Variants in SPAST observed in about 807,000 individuals in gnomAD.
SPAST encodes spastic paraplegia 4 (autosomal dominant; spastin).
In SPAST, 30 loss-of-function variants were observed where a neutral mutation model predicts 76.6. That is an observed-to-expected ratio of 0.39 (90% CI 0.29 to 0.53). The LOEUF is 0.53. Ranked by LOEUF, SPAST falls within the 20% of genes least tolerant of loss-of-function variation. The pLI is 0.68. For synonymous variants in SPAST, 305 were observed against 281.0 expected (o/e 1.09, Z -0.86); for missense variants, 717 against 770.5 (o/e 0.93, Z 0.82).
At chr2:32,132,271 G>A (rs61102469) in intron 9 of SPAST, among the ~76,000 whole-genome samples, 59 of 152,224 alleles carry the variant, frequency 3.9e-4, no homozygotes, top group African/African-American at 1.3e-3. Context: ...TGTGCCTGTG[G>A]TCCCAGCCAC....
At position 32,069,007 on chromosome 2, in the gene SPAST, C is replaced by G. The variant is rs370392645; in HGVS notation, c.415+4761C>G. Among the ~76,000 whole-genome samples the G allele has an allele frequency of 3.3e-5, 5 of 151,848 alleles. No homozygotes were observed. In the South Asian group the frequency reaches 1.0e-3, roughly 32 times the overall value. On this transcript the variant is annotated intron_variant, in intron 1 of 16. Coordinates refer to ENST00000315285, the MANE Select transcript of SPAST (RefSeq NM_014946.4). Reference sequence around the variant, plus strand: ...GGCGGATCACTTGTAGTCAGAAGTTCGCGACCAGCCTGGCCAACATATTAG... The same window carrying G: ...GGCGGATCACTTGTAGTCAGAAGTTGGCGACCAGCCTGGCCAACATATTAG...
chr2:32,068,750 C>T (rs548926448), intron 1 of SPAST, among the ~76,000 whole-genome samples: 10 of 152,004 alleles, frequency 6.6e-5, no homozygotes, highest in South Asian at 2.1e-4. Context: ...AAACTTTAGC[C>T]GGATGTGGTG....
chr2:32,081,416 A>G (rs979048316), intron 1 of SPAST, among the ~76,000 whole-genome samples: 6 of 152,142 alleles, frequency 3.9e-5, no homozygotes, highest in African/African-American at 1.2e-4. Context: ...TTAACTGTTC[A>G]TTCATTCAGG....
At chr2:32,098,983 G>T in intron 4 of SPAST, 92 bp downstream of exon 4, 1 of 869,900 alleles carries the variant, frequency 1.1e-6, no homozygotes. Context: ...ATTTTATAAT[G>T]GTAGGTTTAA....
intron 7 of SPAST, among the ~76,000 whole-genome samples, chr2:32,119,308 A>C (rs1558326584): frequency 6.6e-6 from 1 of 152,192 alleles, no homozygotes. Flanking sequence ...ACACGCCTCT[A>C]TTGTGTAAAA....
chr2:32,121,561 GAC>G (rs1281171918), intron 7 of SPAST, among the ~76,000 whole-genome samples: 1 of 77,766 alleles, frequency 1.3e-5, no homozygotes, highest in Non-Finnish European at 2.4e-5. Flanking sequence ...TTTTTTTTAA[GAC>G]ACAGTCTTGC....
At chr2:32,125,369 A>G (rs1679155279) in intron 7 of SPAST, among the ~76,000 whole-genome samples, 1 of 152,048 alleles carries the variant, frequency 6.6e-6, no homozygotes, top group Admixed American at 6.6e-5. Flanking sequence ...GATTACAGGC[A>G]TGTGCCACCA....
chr2:32,150,138 T>C (rs1180194613), intron 16 of SPAST, among the ~76,000 whole-genome samples: 2 of 150,580 alleles, frequency 1.3e-5, no homozygotes, highest in African/African-American at 4.9e-5. Flanking sequence ...AGTGGTGTGA[T>C]CTCAGCTCAC....
In SPAST at chr2:32,098,779, C is replaced by T. The variant is rs761164962; in HGVS notation, c.587-17C>T. Reference sequence around the variant, plus strand: ...TTTTGTTTATTTTTTCTGTTTTTTACCTTCTCTGTTGCATAGAGAAGATGC... The same window carrying T: ...TTTTGTTTATTTTTTCTGTTTTTTATCTTCTCTGTTGCATAGAGAAGATGC... On this transcript the variant is annotated splice_polypyrimidine_tract_variant and intron_variant, in intron 3 of 16. Transcript: ENST00000315285. 33 of 1,528,420 alleles carry T rather than the reference C, an allele frequency of 2.2e-5. No homozygotes were observed. The highest frequency in any genetic ancestry group is 2.7e-5 in the African/African-American group (2 of 73,048). 94.7% of individuals were successfully genotyped at this position (1,528,420 alleles called of 1,614,324 possible). A position where few individuals can be genotyped will look rare whatever the true frequency, so the allele number is the denominator to read the frequency against.
At chr2:32,111,763 T>C (rs922852749) in intron 4 of SPAST, among the ~76,000 whole-genome samples, 2 of 151,436 alleles carry the variant, frequency 1.3e-5, no homozygotes, top group Non-Finnish European at 2.9e-5. Flanking sequence ...GTGTCTGAAA[T>C]ACCCTCATTT....
intron 1 of SPAST, among the ~76,000 whole-genome samples, chr2:32,086,778 CTAAG>C (rs1007095023): frequency 2.0e-5 from 3 of 151,734 alleles, no homozygotes; most frequent in Non-Finnish European, 2.9e-5. Context: ...GAAAAAAAGT[CTAAG>C]AAGTTAATTT....
intron 15 of SPAST, among the ~76,000 whole-genome samples, chr2:32,145,213 T>C (rs531277800): frequency 3.9e-5 from 6 of 152,260 alleles, no homozygotes; most frequent in African/African-American, 1.4e-4. Flanking sequence ...CCACCCAGCC[T>C]TCCCAGTAGC....
intron 8 of SPAST, 39 bp from the exon 9 acceptor site, chr2:32,128,369 A>G: frequency 7.5e-7 from 1 of 1,331,910 alleles, no homozygotes; most frequent in Non-Finnish European, 1.1e-6. Context: ...AATGTAATAT[A>G]TTGAACTAAT....
chr2:32,081,790 A>AAAAAAAAAAG (rs1677238199), intron 1 of SPAST, among the ~76,000 whole-genome samples: 1 of 148,058 alleles, frequency 6.8e-6, no homozygotes. Context: ...TCAAAAAAAA[A>AAAAAAAAAAG]AAAAAAAAAA....
In SPAST at chr2:32,141,888, G is replaced by T. The variant is rs779643000; in HGVS notation, c.1494-16G>T. 2 of 1,594,330 alleles carry T rather than the reference G, an allele frequency of 1.3e-6. No homozygotes were observed. The highest frequency in any genetic ancestry group is 4.5e-5 in the East Asian group (2 of 44,602). On this transcript the variant is annotated splice_polypyrimidine_tract_variant and intron_variant, in intron 12 of 16. Coordinates refer to ENST00000315285, the MANE Select transcript of SPAST (RefSeq NM_014946.4). ...TCAAAATTATATTTCTAAAAGTGCT[G>T]GATTTTTTTTTTTAGGCGTTTCATC... is the stretch of plus-strand genomic sequence containing the variant.
chr2:32,104,990 T>C (rs1229111826), intron 4 of SPAST, among the ~76,000 whole-genome samples: 1 of 152,210 alleles, frequency 6.6e-6, no homozygotes, highest in East Asian at 1.9e-4. Context: ...TGAATTTGAA[T>C]GTTGGCCTGC....
chr2:32,080,121 G>A (rs1470362069), intron 1 of SPAST, among the ~76,000 whole-genome samples: 1 of 152,094 alleles, frequency 6.6e-6, no homozygotes, highest in Non-Finnish European at 1.5e-5. Context: ...ATCCTAAAGG[G>A]TATGAAGTGG....
intron 12 of SPAST, among the ~76,000 whole-genome samples, chr2:32,138,167 G>T (rs549028983): frequency 6.6e-6 from 1 of 152,236 alleles, no homozygotes; most frequent in Non-Finnish European, 1.5e-5. Context: ...TTTCCTTTGG[G>T]TATATACCCA....
At chr2:32,064,350 G>T in intron 1 of SPAST, 104 bp downstream of exon 1, 1 of 1,106,852 alleles carries the variant, frequency 9.0e-7, no homozygotes, top group Non-Finnish European at 1.3e-6. Flanking sequence ...AGGGGACGGT[G>T]CACCCCCGGA....
Sources: gnomAD v4.1 joint callset for allele counts (sites outside exome capture counted in the v4.1 genomes callset) on GRCh38, gnomAD v4.1.1 for gene constraint, MANE v1.5 for transcripts, NCBI Gene and HGNC (gene_info 2026-07-23, HGNC 2026-07-21) for gene names.